Variants in SPAG6 observed in about 807,000 individuals in gnomAD.
SPAG6 encodes the protein sperm associated antigen 6.
SPAG6 carries 49 observed loss-of-function variants against 58.5 expected under a neutral mutation model. The observed-to-expected ratio is 0.84, with a 90% confidence interval of 0.67 to 1.06. The LOEUF (loss-of-function observed/expected upper bound fraction) is 1.06, where lower values mean the gene tolerates loss of function less well. SPAG6 is among the 50% of genes least tolerant of loss of function. SPAG6 has a pLI of 0.00. For missense variants in SPAG6, 560 were observed against 611.3 expected (o/e 0.92, Z 0.89); for synonymous variants, 233 against 225.6 (o/e 1.03, Z -0.29).
At chr10:22,352,665 G>A (rs1280851257) in intron 2 of SPAG6, among the ~76,000 whole-genome samples, 2 of 152,154 alleles carry the variant, frequency 1.3e-5, no homozygotes, top group African/African-American at 2.4e-5. Flanking sequence ...TTACTGGCAT[G>A]TGCCACCACG....
chr10:22,400,293 G>T (rs1429768195), intron 8 of SPAG6, among the ~76,000 whole-genome samples: 1 of 152,096 alleles, frequency 6.6e-6, no homozygotes, highest in Non-Finnish European at 1.5e-5. Context: ...CAGACAAGCA[G>T]ATGTGGAATT....
intron 2 of SPAG6, among the ~76,000 whole-genome samples, chr10:22,358,412 G>T (rs565741649): frequency 1.3e-5 from 2 of 151,862 alleles, no homozygotes; most frequent in Admixed American, 1.3e-4. Flanking sequence ...CATATCCTTC[G>T]CCCACTTTTT....
intron 6 of SPAG6, 70 bp downstream of exon 6, chr10:22,388,066 G>C (rs901019335): frequency 2.4e-6 from 3 of 1,258,912 alleles, no homozygotes; most frequent in Admixed American, 4.7e-5. Flanking sequence ...ACATCAATTT[G>C]TTTATAGGGC....
At chr10:22,363,241 C>T (rs1314586283) in intron 2 of SPAG6, among the ~76,000 whole-genome samples, 2 of 152,180 alleles carry the variant, frequency 1.3e-5, no homozygotes. Flanking sequence ...AAGAGATGGA[C>T]AATTTTTTTA....
At chr10:22,363,243 AT>A (rs1406473144) in intron 2 of SPAG6, among the ~76,000 whole-genome samples, 1 of 152,204 alleles carries the variant, frequency 6.6e-6, no homozygotes. Flanking sequence ...GAGATGGACA[AT>A]TTTTTTAAAT....
At chr10:22,402,355 A>G (rs941028388) in intron 9 of SPAG6, among the ~76,000 whole-genome samples, 20 of 152,226 alleles carry the variant, frequency 1.3e-4, no homozygotes, top group African/African-American at 4.6e-4. Context: ...ATGAGATATT[A>G]CTCTTCATAC....
chr10:22,362,264 C>G (rs988168698), intron 2 of SPAG6, among the ~76,000 whole-genome samples: 3 of 148,428 alleles, frequency 2.0e-5, no homozygotes, highest in African/African-American at 7.4e-5. Context: ...ATAAAAAGCC[C>G]AGAATAATCA....
chr10:22,403,562 CTT>C (rs1157398053), intron 9 of SPAG6, among the ~76,000 whole-genome samples: 1 of 151,322 alleles, frequency 6.6e-6, no homozygotes, highest in Non-Finnish European at 1.5e-5. Context: ...GGTTCCAAGT[CTT>C]TGCTATTGTG....
chr10:22,346,440 T>TTCTTCTTCTTCTTCTTCC (rs1836537353), intron 2 of SPAG6, among the ~76,000 whole-genome samples: 1 of 127,210 alleles, frequency 7.9e-6, no homozygotes, highest in African/African-American at 3.6e-5. Context: ...GTTCTTCTTC[T>TTCTTCTTCTTCTTCTTCC]TCTTCTTCTT....
chr10:22,374,915 C>T (rs892965512), intron 4 of SPAG6, among the ~76,000 whole-genome samples: 3 of 152,158 alleles, frequency 2.0e-5, no homozygotes, highest in Non-Finnish European at 4.4e-5. Flanking sequence ...GGAAGTGATA[C>T]ATGCAGTAGT....
chr10:22,412,140 C>T (rs936908124), intron 10 of SPAG6, among the ~76,000 whole-genome samples: 11 of 152,014 alleles, frequency 7.2e-5, no homozygotes, highest in African/African-American at 2.2e-4. Context: ...TGAGCCACCG[C>T]GACCGCCCGG....
intron 4 of SPAG6, among the ~76,000 whole-genome samples, chr10:22,379,580 C>T (rs897983749): frequency 6.6e-6 from 1 of 152,160 alleles, no homozygotes; most frequent in Admixed American, 6.5e-5. Flanking sequence ...TGCCTGGACA[C>T]ATATCCTCAA....
chr10:22,374,602 T>TAAA (rs764220934), intron 4 of SPAG6, among the ~76,000 whole-genome samples: 1,199 of 97,104 alleles, frequency 0.012, 37 homozygotes, highest in African/African-American at 0.046. Context: ...ACCCTGTATG[T>TAAA]AAAAAAAAAA....
Position 22,410,935 on chromosome 10 carries a change from C to G in SPAG6, c.1315-96C>G, listed in dbSNP as rs186687287. On this transcript the variant is annotated intron_variant, in intron 9 of 10. Coordinates refer to ENST00000376624, the MANE Select transcript of SPAG6 (RefSeq NM_012443.4). ...GTTATAGGTATATTGGGTATAAATTCTCTTTTACATTTTCTCACATACAGT... is the reference window on the plus strand; with the variant it reads ...GTTATAGGTATATTGGGTATAAATTGTCTTTTACATTTTCTCACATACAGT... 5.9e-4 allele frequency: 767 copies of G among 1,293,314 alleles called. 1 individual carries two copies. Among genetic ancestry groups the G allele is most frequent in the Admixed American group, 1.2e-3 (48 of 40,350 alleles). 80.1% of individuals were successfully genotyped at this position (1,293,314 alleles called of 1,614,324 possible). A position where few individuals can be genotyped will look rare whatever the true frequency, so the allele number is the denominator to read the frequency against.
At chr10:22,357,844 T>C (rs1020528576) in intron 2 of SPAG6, among the ~76,000 whole-genome samples, 4 of 151,276 alleles carry the variant, frequency 2.6e-5, no homozygotes, top group Admixed American at 2.0e-4. Context: ...GTTTGGTTTT[T>C]TGTTCTTGCG....
chr10:22,360,589 C>A (rs905685951), intron 2 of SPAG6, among the ~76,000 whole-genome samples: 2 of 151,720 alleles, frequency 1.3e-5, no homozygotes, highest in Non-Finnish European at 2.9e-5. Flanking sequence ...AGTTAAATTT[C>A]AAAAATATTT....
At chr10:22,357,654 T>C (rs1274607786) in intron 2 of SPAG6, among the ~76,000 whole-genome samples, 5 of 151,972 alleles carry the variant, frequency 3.3e-5, no homozygotes, top group Non-Finnish European at 7.4e-5. Context: ...CACATATGTA[T>C]ACATGTGCCG....
At chr10:22,382,475 C>A (rs1451668871) in intron 4 of SPAG6, among the ~76,000 whole-genome samples, 1 of 151,996 alleles carries the variant, frequency 6.6e-6, no homozygotes, top group Non-Finnish European at 1.5e-5. Context: ...AATATTTTAA[C>A]TTTAATAAGG....
chr10:22,350,141 G>T (rs1342770601), intron 2 of SPAG6, among the ~76,000 whole-genome samples: 1 of 151,650 alleles, frequency 6.6e-6, no homozygotes, highest in East Asian at 1.9e-4. Context: ...AGTCTTAGCA[G>T]TTGTGAATAT....
Sources: gnomAD v4.1 joint callset for allele counts (sites outside exome capture counted in the v4.1 genomes callset) on GRCh38, gnomAD v4.1.1 for gene constraint, MANE v1.5 for transcripts, NCBI Gene and HGNC (gene_info 2026-07-23, HGNC 2026-07-21) for gene names.